NSG2: variants seen among roughly 807,000 people sequenced by gnomAD.
The protein encoded by NSG2 is neuronal vesicle trafficking associated 2, also known as neuronal vesicle trafficking-associated protein 2.
A neutral mutation model predicts 16.9 loss-of-function variants in NSG2; 4 were observed. The ratio of observed to expected loss-of-function variants is 0.24; its 90% CI spans 0.12 to 0.54. The LOEUF (loss-of-function observed/expected upper bound fraction) is 0.54, where lower values mean the gene tolerates loss of function less well. Ranked by LOEUF, NSG2 falls within the 20% of genes least tolerant of loss-of-function variation. The pLI, the probability that NSG2 is intolerant of heterozygous loss-of-function variation, is 0.95. For synonymous variants in NSG2, 98 were observed against 88.7 expected, an observed-to-expected ratio of 1.11 and a Z score of -0.59; for missense variants, 179 against 221.1, an observed-to-expected ratio of 0.81 and a Z score of 1.21.
intron 3 of NSG2, among the ~76,000 whole-genome samples, chr5:174,088,593 G>C (rs753515898): frequency 4.6e-5 from 7 of 152,154 alleles, no homozygotes; most frequent in Non-Finnish European, 1.0e-4. Flanking sequence ...TTGAAACATG[G>C]GAACTATGGG....
At chr5:174,096,935 C>T (rs1341205793) in intron 3 of NSG2, among the ~76,000 whole-genome samples, 4 of 152,176 alleles carry the variant, frequency 2.6e-5, no homozygotes, top group African/African-American at 7.2e-5. Context: ...CTTTTCTCGA[C>T]TTACCTCTTA....
Position 174,046,813 on chromosome 5 carries a change from G to A in NSG2, c.58G>A (p.Asp20Asn), listed in dbSNP as rs758301175. ...EKGTKPPSVE[D>N]GFQTVPLITP... ...GGGAACCAAGCCGCCTTCAGTTGAG[G>A]ATGGCTTCCAGACCGTCCCTCTCAT... The change falls in exon 2 of 5, where the codon GAT (aspartate) becomes AAT (asparagine). Residue 20 changes from aspartate (D) to asparagine (N), a missense_variant. Transcript: ENST00000303177. 1.9e-6 allele frequency: 3 copies of A among 1,614,118 alleles called. No individual in the cohort carries two copies. The highest frequency in any genetic ancestry group is 1.1e-5 in the South Asian group (1 of 91,070).
In NSG2 at chr5:174,108,597, G is replaced by C. The variant is rs971161803; in HGVS notation, c.*1092G>C. On this transcript the variant is annotated 3_prime_UTR_variant, in exon 5 of 5. Coordinates refer to ENST00000303177, the MANE Select transcript of NSG2 (RefSeq NM_015980.5). ...AATGGGACTGTCTTTTGCCCACTTC[G>C]TTGTGTTAAAAGGGGACATTTGTCC... 11 of 152,452 alleles carry C rather than the reference G, an allele frequency of 7.2e-5. No individual in the cohort carries two copies. The East Asian group carries it at 1.5e-3, about 21-fold the overall frequency. The allele number at this position is 152,452 out of a possible 1,614,324, so 9.4% of individuals were successfully genotyped here.
chr5:174,091,847 C>A (rs185345831), intron 3 of NSG2, among the ~76,000 whole-genome samples: 19 of 152,264 alleles, frequency 1.2e-4, no homozygotes, highest in South Asian at 6.2e-4. Flanking sequence ...ATTTAATCCA[C>A]AATTTACCCA....
intron 2 of NSG2, among the ~76,000 whole-genome samples, chr5:174,052,347 GGGA>G (rs1483885823): frequency 6.6e-6 from 1 of 152,038 alleles, no homozygotes; most frequent in Non-Finnish European, 1.5e-5. Flanking sequence ...CAGGTTGATT[GGGA>G]GGAGAATTTG....
At chr5:174,086,084 A>T (rs1183571563) in intron 3 of NSG2, among the ~76,000 whole-genome samples, 1 of 151,448 alleles carries the variant, frequency 6.6e-6, no homozygotes, top group African/African-American at 2.4e-5. Context: ...GACCCGTTTA[A>T]CCCCCTGCCC....
intron 3 of NSG2, among the ~76,000 whole-genome samples, chr5:174,071,648 C>G (rs1215678720): frequency 6.6e-6 from 1 of 152,238 alleles, no homozygotes; most frequent in Non-Finnish European, 1.5e-5. Flanking sequence ...TCTTTGGGCT[C>G]CTGCCTGTGA....
chr5:174,079,247 T>TTCTCTC (rs60883319), intron 3 of NSG2, among the ~76,000 whole-genome samples: 1 of 148,630 alleles, frequency 6.7e-6, no homozygotes, highest in African/African-American at 2.5e-5. Context: ...TTCTCTCTCT[T>TTCTCTC]TCTCTCTCTC....
chr5:174,107,445 G>A lies in NSG2; in HGVS notation c.456G>A (p.Pro152=), dbSNP rs117197975. The A allele has an allele frequency of 9.4e-3, 15,145 of 1,611,980 alleles. 169 individuals carry two copies. The highest frequency in any genetic ancestry group is 0.059 in the East Asian group (2,627 of 44,808). ...AKQSTARAIG[P]WLSAAAVIHE... ...AGAGCACTGCCCGGGCCATCGGGCC[G>A]TGGCTGTCAGCAGCCGCTGTCATCC... The change falls in exon 5 of 5, where the codon CCG becomes CCA. Residue 152 remains proline, a synonymous_variant. Coordinates refer to ENST00000303177, the MANE Select transcript of NSG2 (RefSeq NM_015980.5). The surrounding 1 kb of genome is among the most constrained non-coding windows in gnomAD (Gnocchi z 4.5).
intron 3 of NSG2, among the ~76,000 whole-genome samples, chr5:174,066,005 G>A (rs575581494): frequency 5.0e-4 from 76 of 152,292 alleles, no homozygotes; most frequent in African/African-American, 1.8e-3. Flanking sequence ...GAATTGAAGC[G>A]TATGCGGGGA....
chr5:174,104,406 T>C (rs1354702337), intron 4 of NSG2, 68 bp downstream of exon 4: 3 of 1,092,036 alleles, frequency 2.7e-6, no homozygotes, highest in Non-Finnish European at 4.2e-6. Flanking sequence ...ATGTCTTCTC[T>C]TCACTGGTGT....
At chr5:174,096,838 G>T (rs913978917) in intron 3 of NSG2, among the ~76,000 whole-genome samples, 1 of 152,122 alleles carries the variant, frequency 6.6e-6, no homozygotes, top group Non-Finnish European at 1.5e-5. Context: ...TCAGGCCCCA[G>T]ATGCGGTGGG....
chr5:174,092,658 AT>A (rs1171300374), intron 3 of NSG2, among the ~76,000 whole-genome samples: 2 of 152,220 alleles, frequency 1.3e-5, no homozygotes, highest in African/African-American at 4.8e-5. Flanking sequence ...TCACTTTAGC[AT>A]TTACATGACT....
At chr5:174,093,454 C>A (rs545010324) in intron 3 of NSG2, among the ~76,000 whole-genome samples, 4 of 152,296 alleles carry the variant, frequency 2.6e-5, no homozygotes, top group African/African-American at 9.6e-5. Flanking sequence ...CATTGGTGAG[C>A]AGGTGGCGAG....
chr5:174,080,515 C>T (rs1760433563), intron 3 of NSG2, among the ~76,000 whole-genome samples: 1 of 76,380 alleles, frequency 1.3e-5, no homozygotes, highest in Admixed American at 1.2e-4. Context: ...TTCTTTCCCT[C>T]TTTCTTTCTT....
chr5:174,096,867 C>T (rs928966500), intron 3 of NSG2, among the ~76,000 whole-genome samples: 3 of 152,034 alleles, frequency 2.0e-5, no homozygotes, highest in South Asian at 4.1e-4. Context: ...CCTCCTGCCA[C>T]GGCTGAGGCT....
chr5:174,088,975 G>C (rs775734890), intron 3 of NSG2, among the ~76,000 whole-genome samples: 1 of 152,188 alleles, frequency 6.6e-6, no homozygotes, highest in Non-Finnish European at 1.5e-5. Flanking sequence ...TTTGAGGGCA[G>C]ACTTGGCTTC....
At position 174,106,977 on chromosome 5, in the gene NSG2, G is replaced by A. The variant is rs191753619; in HGVS notation, c.325-337G>A. 3.3e-5 allele frequency among the ~76,000 whole-genome samples: 5 copies of A among 152,332 alleles called. No individual in the cohort carries two copies. The East Asian group carries it at 9.7e-4, about 29-fold the overall frequency. ...TGGCTGTGAACAACAGCCCAGAGAG[G>A]CAACAAGGGGACAGGTGAATCAGCC... On this transcript the variant is annotated intron_variant, in intron 4 of 4. Coordinates refer to ENST00000303177, the MANE Select transcript of NSG2 (RefSeq NM_015980.5).
Position 174,056,171 on chromosome 5 carries a change from A to T in NSG2, c.130-8061A>T, listed in dbSNP as rs181037478. ...GTTCAAGTGTTAGGTGGCACTTGGA[A>T]CTGAGCTTAGGTTCAAGTCTGGGCT... On this transcript the variant is annotated intron_variant, in intron 2 of 4. Coordinates refer to ENST00000303177, the MANE Select transcript of NSG2 (RefSeq NM_015980.5). 176 of 152,310 alleles carry T rather than the reference A, an allele frequency of 1.2e-3. 1 individual carries two copies. Among genetic ancestry groups the T allele is most frequent in the African/African-American group, 3.9e-3 (161 of 41,552 alleles). 9.4% of individuals were successfully genotyped at this position (152,310 alleles called of 1,614,324 possible).
Sources: gnomAD v4.1 joint callset for allele counts (sites outside exome capture counted in the v4.1 genomes callset) on GRCh38, gnomAD v4.1.1 for gene constraint, Gnocchi (gnomAD v3.1) non-coding constraint, MANE v1.5 for transcripts, NCBI Gene and HGNC (gene_info 2026-07-23, HGNC 2026-07-21) for gene names.